Variants in PDE4A observed in about 807,000 individuals in gnomAD.
PDE4A encodes the protein phosphodiesterase 4A.
Under a neutral mutation model 73.9 loss-of-function variants are expected in PDE4A, and 21 were observed. That is an observed-to-expected ratio of 0.28 (90% CI 0.20 to 0.41). The LOEUF (loss-of-function observed/expected upper bound fraction) is 0.41, where lower values mean the gene tolerates loss of function less well. PDE4A is among the 10% of genes least tolerant of loss of function. The probability of loss-of-function intolerance (pLI) is 1.00; values close to 1 mark genes in which losing one functional copy is unlikely to be tolerated. For synonymous variants in PDE4A, 463 were observed against 505.4 expected (o/e 0.92, Z 1.13); for missense variants, 958 against 1,211.4 (o/e 0.79, Z 3.10).
chr19:10,447,800 C>T (rs1362805451), intron 2 of PDE4A, among the ~76,000 whole-genome samples: 2 of 152,128 alleles, frequency 1.3e-5, no homozygotes, highest in Admixed American at 6.6e-5. Context: ...CCTCCCTTAT[C>T]GTGACACTTG....
chr19:10,447,447 G>C (rs572263212), intron 2 of PDE4A, among the ~76,000 whole-genome samples: 66 of 150,042 alleles, frequency 4.4e-4, no homozygotes, highest in Admixed American at 1.4e-3. Context: ...GGATGGTCTC[G>C]ATCTCCTGAC....
intron 1 of PDE4A, 41 bp downstream of exon 1, chr19:10,421,125 G>T (rs568603649): frequency 2.2e-6 from 3 of 1,345,368 alleles, no homozygotes; most frequent in East Asian, 6.2e-5. Flanking sequence ...ACGGATGGGC[G>T]CGCAGGGAGG....
upstream of PDE4A, among the ~76,000 whole-genome samples, chr19:10,419,824 G>A (rs1484084003): frequency 6.6e-6 from 1 of 152,152 alleles, no homozygotes; most frequent in Non-Finnish European, 1.5e-5. Flanking sequence ...CAGGCCACCT[G>A]AAAAAAGACC....
In PDE4A at chr19:10,458,135, G is replaced by C. The variant is rs755175329; in HGVS notation, c.1101+33G>C. The C allele has an allele frequency of 6.2e-6, 10 of 1,603,966 alleles. No individual in the cohort carries two copies. The Admixed American group carries it at 1.0e-4, about 16-fold the overall frequency. ...GGGGCTCAGTAGGGGCAGGGCTGGA[G>C]GGGGTGGTCTCCTGGGACCCTGAGA... On this transcript the variant is annotated intron_variant, in intron 8 of 14. Coordinates refer to ENST00000380702, the MANE Select transcript of PDE4A (RefSeq NM_001111307.2). The surrounding 1 kb of genome is among the most constrained non-coding windows in gnomAD (Gnocchi z 4.6).
At chr19:10,450,750 C>T (rs1234129510) in intron 5 of PDE4A, 79 bp from the exon 6 acceptor site, 1 of 1,579,614 alleles carries the variant, frequency 6.3e-7, no homozygotes, top group Non-Finnish European at 8.6e-7. Flanking sequence ...ACCTGGCGAA[C>T]CCCGTCACGG....
chr19:10,425,075 T>G (rs1233168769), intron 1 of PDE4A, among the ~76,000 whole-genome samples: 1 of 151,850 alleles, frequency 6.6e-6, no homozygotes, highest in Non-Finnish European at 1.5e-5. Flanking sequence ...AATACAAAAA[T>G]TAGCCGGGTA....
At chr19:10,423,458 G>C (rs2042676801) in intron 1 of PDE4A, among the ~76,000 whole-genome samples, 1 of 152,256 alleles carries the variant, frequency 6.6e-6, no homozygotes, top group African/African-American at 2.4e-5. Flanking sequence ...ACTGCACCCA[G>C]CTAAACCTTT....
At chr19:10,447,438 G>A (rs1269428840) in intron 2 of PDE4A, among the ~76,000 whole-genome samples, 1 of 149,488 alleles carries the variant, frequency 6.7e-6, no homozygotes, top group African/African-American at 2.5e-5. Context: ...TGTTAGCCAG[G>A]ATGGTCTCGA....
intron 1 of PDE4A, chr19:10,422,999 C>T (rs2042670028): frequency 4.1e-6 from 2 of 493,508 alleles, no homozygotes; most frequent in Non-Finnish European, 5.3e-6. Context: ...TAATAATCAT[C>T]ATTATTTTGG....
At chr19:10,428,307 A>G (rs1380558832) in intron 1 of PDE4A, among the ~76,000 whole-genome samples, 5 of 151,736 alleles carry the variant, frequency 3.3e-5, no homozygotes, top group African/African-American at 9.7e-5. Flanking sequence ...GCAGTGAGCT[A>G]TGATCGTGCC....
intron 1 of PDE4A, among the ~76,000 whole-genome samples, chr19:10,428,363 AG>A (rs1263984955): frequency 1.3e-4 from 9 of 71,856 alleles, no homozygotes; most frequent in Non-Finnish European, 2.6e-4. Context: ...GTCTCGAGAG[AG>A]AGAGAGAGAG....
chr19:10,444,362 GTGGTGCATGCCTGTAATCCCAGC>G (rs1568373270), intron 1 of PDE4A, among the ~76,000 whole-genome samples: 2 of 152,030 alleles, frequency 1.3e-5, no homozygotes, highest in Non-Finnish European at 1.5e-5. Context: ...GCCAGGCGTG[GTGGTGCATGCCTGTAATCCCAGC>G]TACTCGGGAG....
At chr19:10,417,618 C>T (rs761700124), upstream of PDE4A, 54 of 1,541,718 alleles carry the variant, frequency 3.5e-5, no homozygotes, top group African/African-American at 7.2e-4. Flanking sequence ...CTCAGAGCTT[C>T]CCAGCCAGGC....
At position 10,446,096 on chromosome 19, in the gene PDE4A, C is replaced by T. The variant is rs2145523028; in HGVS notation, c.321-122C>T. Reference sequence around the variant, plus strand: ...CAAGTGATTCACCCCCACTTGGCCTCCCAAAGTGCTGGGATTACAGGCATT... The same window carrying T: ...CAAGTGATTCACCCCCACTTGGCCTTCCAAAGTGCTGGGATTACAGGCATT... On this transcript the variant is annotated intron_variant, in intron 1 of 14. Transcript: ENST00000380702. 2.8e-6 allele frequency: 4 copies of T among 1,430,760 alleles called. No homozygotes were observed. In the South Asian group the frequency reaches 4.5e-5, roughly 16 times the overall value. 88.6% of individuals were successfully genotyped at this position (1,430,760 alleles called of 1,614,324 possible).
intron 14 of PDE4A, among the ~76,000 whole-genome samples, chr19:10,466,578 A>G (rs533315862): frequency 6.6e-6 from 1 of 151,598 alleles, no homozygotes; most frequent in African/African-American, 2.4e-5. Flanking sequence ...GCTCATTGCA[A>G]TCTCCGCCTC....
At chr19:10,426,634 G>A (rs147582940) in intron 1 of PDE4A, among the ~76,000 whole-genome samples, 3,203 of 152,136 alleles carry the variant, frequency 0.021, 125 homozygotes, top group African/African-American at 0.073. Context: ...ACTTTGGGAG[G>A]CCAAGGCAGG....
intron 10 of PDE4A, 152 bp from the exon 11 acceptor site, chr19:10,460,852 G>T (rs2043252160): frequency 2.5e-5 from 14 of 560,918 alleles, no homozygotes; most frequent in Non-Finnish European, 3.8e-5. Flanking sequence ...GCCTTGCTAT[G>T]TTGCCCAGGA....
At chr19:10,459,239 C>T in intron 8 of PDE4A, 161 bp from the exon 9 acceptor site, 7 of 1,287,234 alleles carry the variant, frequency 5.4e-6, no homozygotes, top group Non-Finnish European at 6.3e-6. Context: ...ATTTTGCAGC[C>T]CAGTAGGACG....
chr19:10,467,063 AC>A lies in PDE4A; in HGVS notation c.2107del (p.Leu703CysfsTer9), dbSNP rs1246122461. The part of the protein sequence containing the change: ...EEESRGPGHP[P>X]LPDKFQFELT... ...AGGAGTCAAGGGGGCCAGGCCACCC[AC>A]CCCTGCCTGACAAGTTCCAGTTTGA... On this transcript the variant is annotated frameshift_variant, in exon 15 of 15. Transcript: ENST00000380702. LOFTEE classifies it low-confidence loss of function (END_TRUNC). The A allele has an allele frequency of 6.2e-7, 1 of 1,614,024 alleles. No individual in the cohort carries two copies. The highest frequency in any genetic ancestry group is 8.5e-7 in the Non-Finnish European group (1 of 1,180,006).
Sources: gnomAD v4.1 joint callset for allele counts (sites outside exome capture counted in the v4.1 genomes callset) on GRCh38, gnomAD v4.1.1 for gene constraint, Gnocchi (gnomAD v3.1) non-coding constraint, MANE v1.5 for transcripts, NCBI Gene and HGNC (gene_info 2026-07-23, HGNC 2026-07-21) for gene names.